Variants in PCDH15 observed in about 807,000 individuals in gnomAD.
PCDH15 encodes the protein protocadherin-15.
PCDH15 carries 129 observed loss-of-function variants against 178.5 expected under a neutral mutation model. That is an observed-to-expected ratio of 0.72 (90% CI 0.63 to 0.84). The LOEUF (loss-of-function observed/expected upper bound fraction) is 0.84, where lower values mean the gene tolerates loss of function less well. Ranked by LOEUF, PCDH15 falls within the 40% of genes least tolerant of loss-of-function variation. The pLI, the probability that PCDH15 is intolerant of heterozygous loss-of-function variation, is 0.00. For missense variants in PCDH15, 2,230 were observed against 2,099.9 expected (o/e 1.06, Z -1.21); for synonymous variants, 800 against 732.0 (o/e 1.09, Z -1.50).
intron 2 of PCDH15, among the ~76,000 whole-genome samples, chr10:54,571,082 C>A (rs1042427045): frequency 6.6e-6 from 1 of 151,894 alleles, no homozygotes; most frequent in Admixed American, 6.6e-5. Context: ...ACTGAGAGCC[C>A]AATGCCCTAA....
intron 1 of PCDH15, among the ~76,000 whole-genome samples, chr10:54,713,208 AACACAC>A (rs376488948): frequency 0.094 from 14,168 of 151,242 alleles, 714 homozygotes; most frequent in Admixed American, 0.11. Context: ...ATGAAGTTAA[AACACAC>A]ACACACACAC....
chr10:55,131,711 G>C (rs1433208674), intron 2 of PCDH15, among the ~76,000 whole-genome samples: 1 of 44,466 alleles, frequency 2.2e-5, no homozygotes, highest in South Asian at 1.4e-3. Flanking sequence ...ACCAGGAGTG[G>C]GTAGCTCCTC....
chr10:55,238,738 G>C (rs982900259), intron 1 of PCDH15, among the ~76,000 whole-genome samples: 13 of 151,350 alleles, frequency 8.6e-5, no homozygotes, highest in African/African-American at 2.9e-4. Context: ...TAATTTTTAT[G>C]GGTACATAAT....
intron 2 of PCDH15, among the ~76,000 whole-genome samples, chr10:55,124,993 C>A (rs1837860971): frequency 6.6e-6 from 1 of 151,840 alleles, no homozygotes; most frequent in Admixed American, 6.6e-5. Flanking sequence ...AAAATGCTCT[C>A]TATAAAAAAA....
chr10:54,984,866 C>A (rs1159397928), intron 2 of PCDH15, among the ~76,000 whole-genome samples: 3 of 152,168 alleles, frequency 2.0e-5, no homozygotes. Flanking sequence ...ACAGTTTTCC[C>A]TGAGTCCTTT....
At chr10:54,679,997 A>T (rs983651183) in intron 1 of PCDH15, among the ~76,000 whole-genome samples, 2 of 152,216 alleles carry the variant, frequency 1.3e-5, no homozygotes, top group African/African-American at 4.8e-5. Flanking sequence ...ACATATGTGT[A>T]TTAGACTGCC....
At position 54,252,270 on chromosome 10, in the gene PCDH15, A is replaced by G. The variant is rs12240543; in HGVS notation, c.877-15339T>C. On this transcript the variant is annotated intron_variant, in intron 8 of 37. Coordinates refer to ENST00000644397, the MANE Select transcript of PCDH15 (RefSeq NM_001384140.1). The stretch of plus-strand genomic sequence containing the variant: ...TCTCCACAAGTACATCAATAGGGCC[A>G]TGAGTAAAACTAATGCAGATACTAG... 4.2e-3 allele frequency among the ~76,000 whole-genome samples: 646 copies of G among 152,310 alleles called. 3 individuals carry two copies. The highest frequency in any genetic ancestry group is 0.015 in the African/African-American group (613 of 41,578).
chr10:54,494,515 C>T (rs1411770454), intron 3 of PCDH15, among the ~76,000 whole-genome samples: 2 of 152,134 alleles, frequency 1.3e-5, no homozygotes, highest in Non-Finnish European at 2.9e-5. Flanking sequence ...TTTGACCCAT[C>T]TTCAGCCTGA....
At chr10:54,464,880 C>T (rs957746551) in intron 3 of PCDH15, among the ~76,000 whole-genome samples, 2 of 152,108 alleles carry the variant, frequency 1.3e-5, no homozygotes, top group Non-Finnish European at 2.9e-5. Context: ...AGATGTTTCA[C>T]TAAGCTAAGG....
intron 18 of PCDH15, among the ~76,000 whole-genome samples, chr10:54,028,048 A>G (rs1279330406): frequency 1.3e-5 from 2 of 151,344 alleles, no homozygotes; most frequent in Admixed American, 6.6e-5. Context: ...CTCATCTGAC[A>G]AAGGGCTAAT....
chr10:54,013,140 A>C (rs2092641265), intron 20 of PCDH15, among the ~76,000 whole-genome samples: 1 of 152,212 alleles, frequency 6.6e-6, no homozygotes, highest in African/African-American at 2.4e-5. Flanking sequence ...ACTTTAAATC[A>C]ACAAACATCA....
intron 20 of PCDH15, among the ~76,000 whole-genome samples, chr10:54,000,009 T>C (rs540756136): frequency 1.3e-5 from 2 of 152,280 alleles, no homozygotes; most frequent in African/African-American, 4.8e-5. Context: ...AGAGACACTC[T>C]GTCTGGGAGA....
At chr10:53,862,326 C>T (rs2079157195) in intron 27 of PCDH15, among the ~76,000 whole-genome samples, 1 of 152,168 alleles carries the variant, frequency 6.6e-6, no homozygotes, top group Non-Finnish European at 1.5e-5. Flanking sequence ...GCTGGGATTA[C>T]AGGCTGAGCC....
intron 3 of PCDH15, among the ~76,000 whole-genome samples, chr10:54,868,578 C>T (rs1953980095): frequency 1.3e-5 from 2 of 152,226 alleles, no homozygotes; most frequent in African/African-American, 4.8e-5. Flanking sequence ...ATTTTCATCC[C>T]ATTTTTACCA....
At chr10:54,159,186 G>A (rs1166246043) in intron 13 of PCDH15, among the ~76,000 whole-genome samples, 1 of 151,866 alleles carries the variant, frequency 6.6e-6, no homozygotes, top group Non-Finnish European at 1.5e-5. Flanking sequence ...TTGCCTCTTG[G>A]GCATCCTTGG....
chr10:55,540,487 A>T (rs1299877096), intron 2 of PCDH15, among the ~76,000 whole-genome samples: 1 of 152,070 alleles, frequency 6.6e-6, no homozygotes, highest in Non-Finnish European at 1.5e-5. Context: ...TATTGCATAA[A>T]ATCTCAATGA....
At chr10:54,530,473 T>G (rs1458575485) in intron 2 of PCDH15, among the ~76,000 whole-genome samples, 1 of 152,198 alleles carries the variant, frequency 6.6e-6, no homozygotes, top group Admixed American at 6.5e-5. Flanking sequence ...CTTCAGACCA[T>G]GCCTGCATCA....
At chr10:53,949,586 A>C (rs1029516282) in intron 23 of PCDH15, among the ~76,000 whole-genome samples, 9 of 152,156 alleles carry the variant, frequency 5.9e-5, no homozygotes, top group Non-Finnish European at 1.2e-4. Context: ...ATTAAAAAAA[A>C]AATTAGCTGG....
At chr10:54,538,203 G>A (rs2084790017) in intron 2 of PCDH15, among the ~76,000 whole-genome samples, 1 of 152,104 alleles carries the variant, frequency 6.6e-6, no homozygotes, top group African/African-American at 2.4e-5. Context: ...AAACATCAAG[G>A]ATAGTGTTTC....
Sources: gnomAD v4.1 joint callset for allele counts (sites outside exome capture counted in the v4.1 genomes callset) on GRCh38, gnomAD v4.1.1 for gene constraint, MANE v1.5 for transcripts, NCBI Gene and HGNC (gene_info 2026-07-23, HGNC 2026-07-21) for gene names.